Variants in PKIB observed in about 807,000 individuals in gnomAD.
PKIB encodes cAMP-dependent protein kinase inhibitor beta, also known as PKI-beta.
Under a neutral mutation model 4.5 loss-of-function variants are expected in PKIB, and 2 were observed. That is an observed-to-expected ratio of 0.44 (90% CI 0.18 to 1.39). PKIB has a LOEUF of 1.39. Among genes scored for constraint, PKIB ranks in the 40% most tolerant of loss-of-function variants. The pLI is 0.27. For missense variants in PKIB, 94 were observed against 92.6 expected (o/e 1.02, Z -0.06); for synonymous variants, 38 against 36.0 (o/e 1.06, Z -0.20).
chr6:122,555,591 T>A (rs1772812505), intron 2 of PKIB, among the ~76,000 whole-genome samples: 1 of 152,228 alleles, frequency 6.6e-6, no homozygotes, highest in African/African-American at 2.4e-5. Flanking sequence ...AGAGTTGGCC[T>A]GAATGCAGCA....
chr6:122,607,275 G>A (rs548532308), upstream of PKIB, among the ~76,000 whole-genome samples: 108 of 151,680 alleles, frequency 7.1e-4, no homozygotes, highest in African/African-American at 2.5e-3. Flanking sequence ...GGAGTTCGAG[G>A]CCAGCCTGGC....
intron 3 of PKIB, among the ~76,000 whole-genome samples, chr6:122,679,811 A>C (rs536276165): frequency 1.3e-5 from 2 of 152,274 alleles, no homozygotes; most frequent in African/African-American, 4.8e-5. Context: ...AATCACGTAC[A>C]TTGTCACACT....
intron 2 of PKIB, among the ~76,000 whole-genome samples, chr6:122,491,524 C>T (rs1446113991): frequency 6.6e-6 from 1 of 152,128 alleles, no homozygotes; most frequent in Non-Finnish European, 1.5e-5. Context: ...TGGCTAGCTA[C>T]CTACTGTAAA....
intron 2 of PKIB, among the ~76,000 whole-genome samples, chr6:122,581,269 G>T (rs896164943): frequency 6.6e-6 from 1 of 152,158 alleles, no homozygotes; most frequent in Non-Finnish European, 1.5e-5. Flanking sequence ...TGCAATGTAA[G>T]ATTTCCTGGG....
At chr6:122,712,215 G>A (rs190194492) in intron 3 of PKIB, among the ~76,000 whole-genome samples, 27 of 152,258 alleles carry the variant, frequency 1.8e-4, no homozygotes, top group African/African-American at 5.5e-4. Context: ...AGATCAAACT[G>A]TGTCTCATCT....
intron 3 of PKIB, among the ~76,000 whole-genome samples, chr6:122,687,013 G>T (rs1257447955): frequency 6.6e-6 from 1 of 152,098 alleles, no homozygotes; most frequent in Non-Finnish European, 1.5e-5. Context: ...GCCTGTGCTT[G>T]TGAGTTATTA....
intron 2 of PKIB, among the ~76,000 whole-genome samples, chr6:122,666,960 T>G (rs537751619): frequency 7.1e-6 from 1 of 141,092 alleles, no homozygotes; most frequent in African/African-American, 2.5e-5. Flanking sequence ...ATTTTTTTTT[T>G]TATGGCTTTT....
intron 3 of PKIB, among the ~76,000 whole-genome samples, chr6:122,687,799 T>C (rs985919009): frequency 6.6e-6 from 1 of 152,202 alleles, no homozygotes; most frequent in Admixed American, 6.5e-5. Flanking sequence ...TTTTTGAATG[T>C]TGATTTTGCA....
rs756666285 is a variant in PKIB, at chr6:122,725,220, T to C, written c.*25T>C. ...AAGGCTCATAATCTATCAAGAGTGCTGAATTTCTGCATGTTGAAAGACTTA... is the reference window on the plus strand; with the variant it reads ...AAGGCTCATAATCTATCAAGAGTGCCGAATTTCTGCATGTTGAAAGACTTA... On this transcript the variant is annotated 3_prime_UTR_variant, in exon 5 of 5. Coordinates refer to ENST00000368452, the MANE Select transcript of PKIB (RefSeq NM_181795.3). 1 of 1,572,348 alleles carries C rather than the reference T, an allele frequency of 6.4e-7. No individual in the cohort carries two copies. The highest frequency in any genetic ancestry group is 1.8e-5 in the Admixed American group (1 of 55,686).
At chr6:122,516,921 A>G (rs1776772385) in intron 2 of PKIB, among the ~76,000 whole-genome samples, 1 of 152,116 alleles carries the variant, frequency 6.6e-6, no homozygotes, top group South Asian at 2.1e-4. Context: ...AGCTGGGGTG[A>G]GCAGGTACCC....
At chr6:122,717,740 TAC>T in intron 3 of PKIB, 45 bp from the exon 4 acceptor site, 2 of 1,585,926 alleles carry the variant, frequency 1.3e-6, no homozygotes, top group East Asian at 2.3e-5. Context: ...GGTGAACATT[TAC>T]TTCTGAATAG....
At chr6:122,715,939 C>CA (rs1017988201) in intron 3 of PKIB, among the ~76,000 whole-genome samples, 1 of 152,182 alleles carries the variant, frequency 6.6e-6, no homozygotes, top group East Asian at 1.9e-4. Flanking sequence ...TCTGACCCCC[C>CA]AGTTTCCACA....
At chr6:122,701,589 A>C in intron 3 of PKIB, 48 of 1,466,684 alleles carry the variant, frequency 3.3e-5, no homozygotes, top group Non-Finnish European at 4.2e-5. Flanking sequence ...GCCATAGCTC[A>C]AGCCCATCAG....
At chr6:122,642,397 G>A (rs1355617354) in intron 2 of PKIB, among the ~76,000 whole-genome samples, 1 of 152,188 alleles carries the variant, frequency 6.6e-6, no homozygotes, top group Non-Finnish European at 1.5e-5. Context: ...TGCTGCTTAT[G>A]TTTAAAAAAC....
In PKIB at chr6:122,576,710, A is replaced by ATATATATATATATAT. The variant is rs59569106; in HGVS notation, c.-247-9210_-247-9209insATATATATATATATT. ...AAAAAATATATATATATATATATAT[A>ATATATATATATATAT]TTTTCTTTTGTATAATTATACCTCA... is the stretch of plus-strand genomic sequence containing the variant. On this transcript the variant is annotated intron_variant, in intron 2 of 6. Transcript: ENST00000392491. Among the ~76,000 whole-genome samples the ATATATATATATATAT allele has an allele frequency of 5.8e-4, 64 of 109,976 alleles. 1 individual carries two copies. Among genetic ancestry groups the ATATATATATATATAT allele is most frequent in the African/African-American group, 9.5e-4 (24 of 25,276 alleles). The allele number at this position is 109,976 out of a possible 152,430, so 72.1% of individuals were successfully genotyped here.
chr6:122,590,666 G>T (rs1773990869), intron 3 of PKIB, among the ~76,000 whole-genome samples: 2 of 152,168 alleles, frequency 1.3e-5, no homozygotes, highest in Non-Finnish European at 2.9e-5. Context: ...AGACACCAAA[G>T]ATATGAGAAT....
intron 3 of PKIB, among the ~76,000 whole-genome samples, chr6:122,697,512 G>A (rs1293869621): frequency 6.6e-6 from 1 of 151,856 alleles, no homozygotes. Context: ...TGAACTTCGG[G>A]CATGTCTCCA....
intron 2 of PKIB, among the ~76,000 whole-genome samples, chr6:122,641,056 A>G (rs1776101218): frequency 6.6e-6 from 1 of 152,204 alleles, no homozygotes; most frequent in Admixed American, 6.5e-5. Context: ...CTTTATAAAG[A>G]AATAAAATGC....
chr6:122,576,927 C>A (rs949994993), intron 2 of PKIB, among the ~76,000 whole-genome samples: 2 of 151,700 alleles, frequency 1.3e-5, no homozygotes, highest in Non-Finnish European at 2.9e-5. Context: ...GACATTTTAA[C>A]ATGGTGGATC....
Sources: allele counts gnomAD v4.1 joint callset (sites outside exome capture counted in the v4.1 genomes callset), GRCh38; gene constraint gnomAD v4.1.1; transcripts MANE v1.5; gene names NCBI Gene and HGNC (gene_info 2026-07-23, HGNC 2026-07-21).